Variants in PAXIP1 observed in about 807,000 individuals in gnomAD.
The protein encoded by PAXIP1 is PAX interacting protein 1, also known as PAX-interacting protein 1.
PAXIP1 carries 19 observed loss-of-function variants against 140.6 expected under a neutral mutation model. The ratio of observed to expected loss-of-function variants is 0.14; its 90% CI spans 0.09 to 0.20. PAXIP1 has a LOEUF of 0.20. Among genes scored for constraint, PAXIP1 ranks in the 10% least tolerant of loss-of-function variants. The pLI, the probability that PAXIP1 is intolerant of heterozygous loss-of-function variation, is 1.00. For synonymous variants in PAXIP1, 442 were observed against 444.6 expected (o/e 0.99, Z 0.07); for missense variants, 920 against 1,208.6 (o/e 0.76, Z 3.54).
At chr7:154,961,487 G>A (rs1292191984) in intron 11 of PAXIP1, 40 bp downstream of exon 11, 2 of 1,517,784 alleles carry the variant, frequency 1.3e-6, no homozygotes, top group Non-Finnish European at 1.8e-6. Flanking sequence ...TATATTGTGT[G>A]TAAATTTATG....
At chr7:154,982,859 G>A (rs185912263) in intron 5 of PAXIP1, among the ~76,000 whole-genome samples, 199 of 152,098 alleles carry the variant, frequency 1.3e-3, no homozygotes, top group Non-Finnish European at 2.4e-3. Flanking sequence ...AATTATACCT[G>A]ATACAAGGTT....
At position 154,946,629 on chromosome 7, in the gene PAXIP1, A is replaced by C. The variant is rs752541952; in HGVS notation, c.3058-42T>G. Reference sequence around the variant, plus strand: ...GAGTTTCTCAGTGACCGAACGCTGAATGTGATACAGGGCAATGACGGACTC... The same window carrying C: ...GAGTTTCTCAGTGACCGAACGCTGACTGTGATACAGGGCAATGACGGACTC... On this transcript the variant is annotated intron_variant, in intron 18 of 20. Coordinates refer to ENST00000404141, the MANE Select transcript of PAXIP1 (RefSeq NM_007349.4). This position sits in a 1 kb window ranked among gnomAD's most constrained non-coding sequence, Gnocchi z 4.9. 1 of 1,613,604 alleles carries C rather than the reference A, an allele frequency of 6.2e-7. No individual in the cohort carries two copies. The highest frequency in any genetic ancestry group is 1.7e-5 in the Admixed American group (1 of 60,014).
chr7:154,992,062 T>C (rs891019690), intron 3 of PAXIP1, among the ~76,000 whole-genome samples: 1 of 152,240 alleles, frequency 6.6e-6, no homozygotes, highest in Non-Finnish European at 1.5e-5. Flanking sequence ...CCTAAGCTCA[T>C]GGATTTTCTA....
intron 3 of PAXIP1, among the ~76,000 whole-genome samples, chr7:154,991,877 T>C (rs985514651): frequency 6.6e-6 from 1 of 152,224 alleles, no homozygotes; most frequent in Non-Finnish European, 1.5e-5. Context: ...CTGATTGAGA[T>C]AGGTGAATCA....
At chr7:154,977,875 T>C (rs1447322997) in intron 5 of PAXIP1, among the ~76,000 whole-genome samples, 4 of 152,206 alleles carry the variant, frequency 2.6e-5, no homozygotes, top group African/African-American at 4.8e-5. Flanking sequence ...TGTATACTTT[T>C]ATGCTTTTGT....
intron 14 of PAXIP1, among the ~76,000 whole-genome samples, chr7:154,955,946 A>G (rs1808491957): frequency 1.3e-5 from 2 of 152,242 alleles, no homozygotes; most frequent in Admixed American, 1.3e-4. Context: ...GAAAGCAAAT[A>G]TCAAAGTTGC....
intron 20 of PAXIP1, chr7:154,945,725 A>C (rs1218420733): frequency 5.1e-6 from 5 of 985,314 alleles, no homozygotes; most frequent in Non-Finnish European, 3.6e-6. Context: ...GAATTTTCCC[A>C]TAAGGACCTG....
chr7:154,995,866 T>C (rs996863904), intron 2 of PAXIP1, among the ~76,000 whole-genome samples: 2 of 152,102 alleles, frequency 1.3e-5, no homozygotes, highest in Non-Finnish European at 2.9e-5. Flanking sequence ...ATAAGCCCAC[T>C]ACAAGTCAGC....
chr7:154,987,141 A>ACT (rs1472400380), intron 4 of PAXIP1, among the ~76,000 whole-genome samples: 2 of 152,194 alleles, frequency 1.3e-5, no homozygotes, highest in Admixed American at 1.3e-4. Context: ...CACAGGGACT[A>ACT]CACTGGTGAC....
intron 10 of PAXIP1, 128 bp from the exon 11 acceptor site, chr7:154,961,776 G>T: frequency 1.2e-6 from 1 of 801,922 alleles, no homozygotes; most frequent in Non-Finnish European, 1.9e-6. Context: ...AACACATTTG[G>T]TAATATCATT....
At chr7:154,993,676 TA>T (rs1381487734) in intron 3 of PAXIP1, 49 bp downstream of exon 3, 1 of 1,396,266 alleles carries the variant, frequency 7.2e-7, no homozygotes, top group South Asian at 1.2e-5. Flanking sequence ...CTTTCAGTCT[TA>T]AACCCAGAGT....
At chr7:154,957,027 A>AT (rs1390469352) in intron 14 of PAXIP1, 197 bp downstream of exon 14, 1 of 413,808 alleles carries the variant, frequency 2.4e-6, no homozygotes, top group Middle Eastern at 6.4e-4. Context: ...AAAAGACTGA[A>AT]TTTTTTTAAA....
At chr7:154,981,117 T>C (rs551318822) in intron 5 of PAXIP1, among the ~76,000 whole-genome samples, 27 of 151,700 alleles carry the variant, frequency 1.8e-4, no homozygotes, top group African/African-American at 4.8e-4. Context: ...TGAGACTCTG[T>C]CTCAAGAAAA....
At chr7:154,962,209 A>G (rs1808785279) in intron 10 of PAXIP1, 112 bp downstream of exon 10, 3 of 1,125,846 alleles carry the variant, frequency 2.7e-6, no homozygotes, top group Non-Finnish European at 3.9e-6. Context: ...AAGTACATAG[A>G]GAAGCTCTGA....
chr7:155,001,409 T>C (rs1810881672), intron 1 of PAXIP1: 2 of 150,872 alleles, frequency 1.3e-5, no homozygotes, highest in South Asian at 4.2e-4. Context: ...GAATCATCAA[T>C]ACTGGAAAAA....
intron 4 of PAXIP1, among the ~76,000 whole-genome samples, chr7:154,989,636 T>TA (rs1810233100): frequency 6.6e-6 from 1 of 152,238 alleles, no homozygotes; most frequent in Admixed American, 6.5e-5. Context: ...TAATAGTTTT[T>TA]ATTATGATTT....
In PAXIP1 at chr7:154,986,016, C is replaced by T; in HGVS notation, c.325-2684G>A. On this transcript the variant is annotated intron_variant, in intron 4 of 20. Transcript: ENST00000404141. The surrounding 1 kb of genome is among the most constrained non-coding windows in gnomAD (Gnocchi z 4.8). ...CTCTTGACCTATTCCCCAAAACCTA[C>T]CCAGCACATTACAACAGAGGCCTCA... 7.3e-7 allele frequency: 1 copy of T among 1,365,598 alleles called. No homozygotes were observed. Among genetic ancestry groups the T allele is most frequent in the South Asian group, 1.1e-5 (1 of 87,656 alleles). The allele number at this position is 1,365,598 out of a possible 1,614,324, so 84.6% of individuals were successfully genotyped here. A position where few individuals can be genotyped will look rare whatever the true frequency, so the allele number is the denominator to read the frequency against.
chr7:154,954,141 ATAAC>A lies in PAXIP1; in HGVS notation c.2821+110_2821+113del, dbSNP rs760491881. 38 of 718,138 alleles carry A rather than the reference ATAAC, an allele frequency of 5.3e-5. No homozygotes were observed. Among genetic ancestry groups the A allele is most frequent in the African/African-American group, 7.3e-5 (4 of 54,534 alleles). 44.5% of individuals were successfully genotyped at this position (718,138 alleles called of 1,614,324 possible). A position where few individuals can be genotyped will look rare whatever the true frequency, so the allele number is the denominator to read the frequency against. Reference sequence around the variant, plus strand: ...GAAATAAATTTTTAAATTTAAATGAATAACTATCACATAGTTTAAAAATTAAATA... The same window carrying A: ...GAAATAAATTTTTAAATTTAAATGAATATCACATAGTTTAAAAATTAAATA... On this transcript the variant is annotated intron_variant, in intron 16 of 20. Transcript: ENST00000404141. This position sits in a 1 kb window ranked among gnomAD's most constrained non-coding sequence, Gnocchi z 5.1.
intron 4 of PAXIP1, among the ~76,000 whole-genome samples, chr7:154,987,722 A>T (rs1810139111): frequency 1.3e-5 from 2 of 152,124 alleles, no homozygotes; most frequent in Admixed American, 1.3e-4. Flanking sequence ...ACAATGACAT[A>T]ATCTTTGGCA....
Sources: allele counts gnomAD v4.1 joint callset (sites outside exome capture counted in the v4.1 genomes callset), GRCh38; gene constraint gnomAD v4.1.1; non-coding constraint Gnocchi (gnomAD v3.1); transcripts MANE v1.5; gene names NCBI Gene and HGNC (gene_info 2026-07-23, HGNC 2026-07-21).